The following USP45 variants were observed in gnomAD, a reference collection of about 807,000 sequenced individuals.
USP45 encodes ubiquitin specific peptidase 45.
USP45 carries 89 observed loss-of-function variants against 95.8 expected under a neutral mutation model. That is an observed-to-expected ratio of 0.93 (90% CI 0.78 to 1.11). The LOEUF (loss-of-function observed/expected upper bound fraction) is 1.11, where lower values mean the gene tolerates loss of function less well. Among genes scored for constraint, USP45 ranks in the 50% least tolerant of loss-of-function variants. USP45 has a pLI of 0.00. For missense variants in USP45, 898 were observed against 942.5 expected (o/e 0.95, Z 0.62); for synonymous variants, 281 against 316.2 (o/e 0.89, Z 1.18).
chr6:99,451,358 G>A (rs2128572823), intron 13 of USP45, among the ~76,000 whole-genome samples: 1 of 152,220 alleles, frequency 6.6e-6, no homozygotes, highest in South Asian at 2.1e-4. Context: ...AAATCAACGT[G>A]CAAAAATCAC....
intron 5 of USP45, among the ~76,000 whole-genome samples, chr6:99,500,511 A>G (rs1583416866): frequency 6.6e-6 from 1 of 152,256 alleles, no homozygotes; most frequent in Admixed American, 6.5e-5. Flanking sequence ...GTAAAATTGA[A>G]TGAAAATCAG....
intron 15 of USP45, among the ~76,000 whole-genome samples, chr6:99,440,379 T>C (rs1239695285): frequency 6.6e-6 from 1 of 152,250 alleles, no homozygotes; most frequent in East Asian, 1.9e-4. Flanking sequence ...AATAAAATTG[T>C]ACTTTTATGT....
At chr6:99,438,791 G>A (rs1239581539) in intron 16 of USP45, among the ~76,000 whole-genome samples, 1 of 152,186 alleles carries the variant, frequency 6.6e-6, no homozygotes, top group Non-Finnish European at 1.5e-5. Context: ...GGAGAAGAAA[G>A]TGAATTAGTG....
chr6:99,470,775 G>T (rs1443582147), intron 9 of USP45, among the ~76,000 whole-genome samples: 2 of 152,150 alleles, frequency 1.3e-5, no homozygotes, highest in East Asian at 3.8e-4. Context: ...TAAATTCCAT[G>T]CAGGAGAAAT....
chr6:99,498,141 G>C (rs1272508365), intron 5 of USP45, among the ~76,000 whole-genome samples: 1 of 152,150 alleles, frequency 6.6e-6, no homozygotes, highest in Admixed American at 6.5e-5. Flanking sequence ...ACAGGAACTA[G>C]AAGTAGATCT....
intron 5 of USP45, among the ~76,000 whole-genome samples, chr6:99,501,259 T>C (rs1012349773): frequency 1.3e-5 from 2 of 151,728 alleles, no homozygotes; most frequent in African/African-American, 4.8e-5. Context: ...ACAATCTGTG[T>C]GCCACATAGC....
intron 8 of USP45, among the ~76,000 whole-genome samples, chr6:99,478,762 G>GA (rs1220091562): frequency 6.6e-6 from 1 of 152,132 alleles, no homozygotes; most frequent in Non-Finnish European, 1.5e-5. Context: ...TGCAGAAGCA[G>GA]AAAACCAAAT....
chr6:99,473,206 A>G (rs1472585313), intron 9 of USP45, among the ~76,000 whole-genome samples: 1 of 152,164 alleles, frequency 6.6e-6, no homozygotes, highest in Non-Finnish European at 1.5e-5. Flanking sequence ...CTCAAAAAAA[A>G]GTTGCGTTTA....
chr6:99,476,024 C>T, intron 9 of USP45, 119 bp downstream of exon 9: 1 of 804,736 alleles, frequency 1.2e-6, no homozygotes, highest in Non-Finnish European at 1.9e-6. Context: ...ACTATGTTGG[C>T]TAGGCTGGTC....
At chr6:99,470,735 T>C (rs1354324924) in intron 9 of USP45, among the ~76,000 whole-genome samples, 1 of 152,180 alleles carries the variant, frequency 6.6e-6, no homozygotes, top group African/African-American at 2.4e-5. Context: ...AAAGAATTTA[T>C]TGAACTAAAG....
chr6:99,479,218 T>C (rs977277429), intron 8 of USP45, among the ~76,000 whole-genome samples: 2 of 64,732 alleles, frequency 3.1e-5, no homozygotes, highest in Admixed American at 1.7e-4. Context: ...TCAAAACTTA[T>C]CCAATAGTAT....
chr6:99,492,185 G>A (rs1795320596), intron 5 of USP45, among the ~76,000 whole-genome samples: 1 of 152,104 alleles, frequency 6.6e-6, no homozygotes, highest in Non-Finnish European at 1.5e-5. Flanking sequence ...ATAAACATAT[G>A]GAAAAACAGA....
At chr6:99,512,875 C>T (rs952042931) in intron 1 of USP45, among the ~76,000 whole-genome samples, 2 of 152,158 alleles carry the variant, frequency 1.3e-5, no homozygotes, top group African/African-American at 4.8e-5. Flanking sequence ...TTAAGTATCC[C>T]CTTCTCTGAC....
At chr6:99,491,224 G>C (rs1390475129) in intron 5 of USP45, among the ~76,000 whole-genome samples, 1 of 151,948 alleles carries the variant, frequency 6.6e-6, no homozygotes, top group Non-Finnish European at 1.5e-5. Flanking sequence ...ACAAACACCA[G>C]GCATGGAAAA....
intron 8 of USP45, among the ~76,000 whole-genome samples, chr6:99,479,601 C>CAAAAAAAA (rs34635892): frequency 4.6e-4 from 54 of 116,980 alleles, no homozygotes; most frequent in Non-Finnish European, 5.7e-4. Flanking sequence ...TTCCAACAGA[C>CAAAAAAAA]AAAAAAAAAA....
intron 7 of USP45, among the ~76,000 whole-genome samples, chr6:99,486,737 A>C (rs1418931941): frequency 1.3e-5 from 2 of 152,096 alleles, no homozygotes; most frequent in Admixed American, 6.5e-5. Context: ...ATCTAAGATT[A>C]CTAAGCATGT....
chr6:99,455,491 T>C (rs1441431043), intron 13 of USP45, among the ~76,000 whole-genome samples: 1 of 151,662 alleles, frequency 6.6e-6, no homozygotes, highest in Non-Finnish European at 1.5e-5. Flanking sequence ...CAAACTAAAA[T>C]ATAACTACCA....
At chr6:99,474,364 A>G (rs1464728030) in intron 9 of USP45, among the ~76,000 whole-genome samples, 1 of 152,118 alleles carries the variant, frequency 6.6e-6, no homozygotes, top group Non-Finnish European at 1.5e-5. Flanking sequence ...CGCCTGGCTA[A>G]TTTTTGTGTT....
At position 99,448,270 on chromosome 6, in the gene USP45, T is replaced by C. The variant is rs541053599; in HGVS notation, c.1309-1807A>G. Among the ~76,000 whole-genome samples the C allele has an allele frequency of 2.8e-3, 432 of 152,156 alleles. 2 individuals are homozygous for C. The highest frequency in any genetic ancestry group is 6.4e-3 in the Admixed American group (97 of 15,272). The stretch of plus-strand genomic sequence containing the variant: ...GCTAAATGAGGAAGTTCGAACCCAA[T>C]GCAAATAAGTTAAAAACCTTGAAAA... On this transcript the variant is annotated intron_variant, in intron 13 of 17. Transcript: ENST00000500704.
Sources: allele counts gnomAD v4.1 joint callset (sites outside exome capture counted in the v4.1 genomes callset), GRCh38; gene constraint gnomAD v4.1.1; transcripts MANE v1.5; gene names NCBI Gene and HGNC (gene_info 2026-07-23, HGNC 2026-07-21).